The following FREM1 variants were observed in gnomAD, a reference collection of about 807,000 sequenced individuals.
FREM1 encodes FRAS1 related extracellular matrix 1.
FREM1 carries 220 observed loss-of-function variants against 210.1 expected under a neutral mutation model. The observed-to-expected ratio is 1.05, with a 90% CI of 0.94 to 1.17. The LOEUF is 1.17. Among genes scored for constraint, FREM1 ranks in the 50% most tolerant of loss-of-function variants. FREM1 has a pLI of 0.00. For synonymous variants in FREM1, 1,189 were observed against 980.2 expected, an observed-to-expected ratio of 1.21 and a Z score of -3.98; for missense variants, 3,454 against 2,675.5, an observed-to-expected ratio of 1.29 and a Z score of -6.42.
chr9:14,897,102 G>GA (rs1277742119), intron 1 of FREM1, among the ~76,000 whole-genome samples: 2 of 152,108 alleles, frequency 1.3e-5, no homozygotes, highest in Non-Finnish European at 1.5e-5. Context: ...TACAGTATAT[G>GA]AAAAATCATA....
intron 1 of FREM1, among the ~76,000 whole-genome samples, chr9:14,902,626 C>G (rs1455573300): frequency 6.6e-6 from 1 of 152,114 alleles, no homozygotes; most frequent in Non-Finnish European, 1.5e-5. Context: ...ACTGCCACCT[C>G]CTAGCTTGAA....
At chr9:14,874,460 G>C (rs1833313977) in intron 1 of FREM1, among the ~76,000 whole-genome samples, 2 of 150,088 alleles carry the variant, frequency 1.3e-5, no homozygotes, top group Admixed American at 6.7e-5. Context: ...TTGGTTTAAA[G>C]TCTGTTTTAT....
chr9:14,739,142 T>A (rs1349822604), intron 36 of FREM1, among the ~76,000 whole-genome samples: 1 of 151,874 alleles, frequency 6.6e-6, no homozygotes, highest in Non-Finnish European at 1.5e-5. Context: ...CTTGCTCTGT[T>A]GCCTAGGCTG....
chr9:14,788,982 A>G lies in FREM1; in HGVS notation c.4114T>C (p.Trp1372Arg), dbSNP rs772436406. 3 of 1,613,110 alleles carry G rather than the reference A, an allele frequency of 1.9e-6. No individual in the cohort carries two copies. Among genetic ancestry groups the G allele is most frequent in the East Asian group, 4.5e-5 (2 of 44,876 alleles). The part of the protein sequence containing the change: ...QNQDSFTFYL[W>R]DGNNRSPALD... ...GCAGGGGACCTGTTGTTGCCATCCC[A>G]AAGGTAGAAGGTGAAGCTATCTTGA... The change falls in exon 23 of 37, where the codon TGG (tryptophan) becomes CGG (arginine). Residue 1372 changes from tryptophan to arginine, a missense_variant. Coordinates refer to ENST00000380880, the MANE Select transcript of FREM1 (RefSeq NM_001379081.2).
chr9:14,848,784 A>C lies in FREM1; in HGVS notation c.1153-11T>G. The C allele has an allele frequency of 6.5e-7, 1 of 1,545,970 alleles. No homozygotes were observed. The highest frequency in any genetic ancestry group is 8.9e-7 in the Non-Finnish European group (1 of 1,118,386). On this transcript the variant is annotated splice_polypyrimidine_tract_variant and intron_variant, in intron 6 of 36. Coordinates refer to ENST00000380880, the MANE Select transcript of FREM1 (RefSeq NM_001379081.2). ...TACCTCCAATTCTACCTGTAAACAAACAGAGGCAAAGGAGCCACACACTGA... is the reference window on the plus strand; with the variant it reads ...TACCTCCAATTCTACCTGTAAACAACCAGAGGCAAAGGAGCCACACACTGA...
intron 27 of FREM1, among the ~76,000 whole-genome samples, chr9:14,766,619 A>G (rs924973174): frequency 9.9e-5 from 15 of 152,176 alleles, no homozygotes; most frequent in African/African-American, 3.6e-4. Context: ...GGAATCCTGC[A>G]ATAGCCAAAA....
At chr9:14,737,769 C>T (rs1429696368) in intron 36 of FREM1, among the ~76,000 whole-genome samples, 174 bp from the exon 37 acceptor site, 1 of 152,154 alleles carries the variant, frequency 6.6e-6, no homozygotes, top group Non-Finnish European at 1.5e-5. Flanking sequence ...AATCCCAGTC[C>T]AATTCTAGCT....
At chr9:14,837,157 C>T (rs1340714050) in intron 10 of FREM1, among the ~76,000 whole-genome samples, 1 of 152,136 alleles carries the variant, frequency 6.6e-6, no homozygotes, top group African/African-American at 2.4e-5. Flanking sequence ...TCAGGGTGCC[C>T]ACATTTGCAT....
chr9:14,835,425 T>C (rs1855137), intron 10 of FREM1, among the ~76,000 whole-genome samples: 102,336 of 152,098 alleles, frequency 0.67, 34,545 homozygotes, highest in East Asian at 0.74. Context: ...AACTGGTTAT[T>C]TTATCAAGGC....
At chr9:14,882,134 G>T (rs918378192) in intron 1 of FREM1, among the ~76,000 whole-genome samples, 3 of 151,192 alleles carry the variant, frequency 2.0e-5, no homozygotes, top group African/African-American at 7.3e-5. Flanking sequence ...TGTGACTCAT[G>T]ACTGAACTTA....
Position 14,836,298 on chromosome 9 carries a change from T to C in FREM1, c.1881+5149A>G, listed in dbSNP as rs1186537639. 2.0e-5 allele frequency among the ~76,000 whole-genome samples: 3 copies of C among 152,246 alleles called. No individual in the cohort carries two copies. Among genetic ancestry groups the C allele is most frequent in the Non-Finnish European group, 2.9e-5 (2 of 68,044 alleles). ...GAGAGTTTTCATTGCTGTAGTATTT[T>C]GCTTAATTATTATCCTTATAACTGG... On this transcript the variant is annotated intron_variant, in intron 10 of 36. Transcript: ENST00000380880. This position sits in a 1 kb window ranked among gnomAD's most constrained non-coding sequence, Gnocchi z 4.9.
intron 28 of FREM1, among the ~76,000 whole-genome samples, chr9:14,757,564 A>C (rs1220360599): frequency 6.6e-6 from 1 of 152,198 alleles, no homozygotes; most frequent in Non-Finnish European, 1.5e-5. Context: ...CAAAAAACAA[A>C]AAAAAAGTGT....
In FREM1 at chr9:14,770,778, C is replaced by T. The variant is rs746194247; in HGVS notation, c.4886G>A (p.Arg1629His). The change falls in exon 26 of 37, where the codon CGT becomes CAT. Residue 1629 changes from arginine to histidine, a missense_variant. Coordinates refer to ENST00000380880, the MANE Select transcript of FREM1 (RefSeq NM_001379081.2). ...AGAAGGGGAATGCAAGAGTGTGATACGAGGAGCTGTTTTGTCCAATTGGTC... is the reference window on the plus strand; with the variant it reads ...AGAAGGGGAATGCAAGAGTGTGATATGAGGAGCTGTTTTGTCCAATTGGTC... ...QVDQLDKTAP[R>H]ITLLHSPSQV... 15 of 1,612,854 alleles carry T rather than the reference C, an allele frequency of 9.3e-6. No individual in the cohort carries two copies. The highest frequency in any genetic ancestry group is 2.2e-5 in the South Asian group (2 of 90,934).
rs1334544622 is a variant in FREM1 at position 14,861,254 on chromosome 9, TATATACAC to T, written c.330-1778_330-1771del. On this transcript the variant is annotated intron_variant, in intron 3 of 36. Transcript: ENST00000380880. Reference sequence around the variant, plus strand: ...ACACATATATACACACATATATACATATATACACATATACACATATATACATATATACA... The same window carrying T: ...ACACATATATACACACATATATACATATATACACATATATACATATATACA... 2.6e-3 allele frequency among the ~76,000 whole-genome samples: 175 copies of T among 66,184 alleles called. 8 individuals are homozygous for T. The highest frequency in any genetic ancestry group is 0.016 in the African/African-American group (159 of 10,216). 43.4% of individuals were successfully genotyped at this position (66,184 alleles called of 152,430 possible).
At chr9:14,748,321 TTTCAGAATACTTATTAATATC>T in intron 31 of FREM1, 59 bp downstream of exon 31, 1 of 835,300 alleles carries the variant, frequency 1.2e-6, no homozygotes, top group Non-Finnish European at 1.9e-6. Context: ...TTCTTCAGTG[TTTCAGAATACTTATTAATATC>T]TTCTGATCCT....
At chr9:14,776,386 A>C (rs1848580100) in intron 24 of FREM1, 183 bp from the exon 25 acceptor site, 1 of 550,578 alleles carries the variant, frequency 1.8e-6, no homozygotes, top group South Asian at 5.3e-5. Context: ...GTAATGCATA[A>C]ATGGACCATT....
intron 1 of FREM1, among the ~76,000 whole-genome samples, chr9:14,870,171 A>G (rs930099700): frequency 6.6e-6 from 1 of 152,248 alleles, no homozygotes; most frequent in Admixed American, 6.5e-5. Flanking sequence ...TTCTGTGCAT[A>G]ACCAGTAGAT....
chr9:14,781,315 G>A (rs976604160), intron 24 of FREM1, among the ~76,000 whole-genome samples: 3 of 152,172 alleles, frequency 2.0e-5, no homozygotes, highest in African/African-American at 4.8e-5. Flanking sequence ...TTTCCTATGT[G>A]TAAATAAGGG....
intron 10 of FREM1, among the ~76,000 whole-genome samples, chr9:14,840,636 G>A (rs1263617847): frequency 6.6e-6 from 1 of 152,160 alleles, no homozygotes; most frequent in Non-Finnish European, 1.5e-5. Context: ...CCCATGACAC[G>A]TGGGAATTGT....
Sources: gnomAD v4.1 joint callset for allele counts (sites outside exome capture counted in the v4.1 genomes callset) on GRCh38, gnomAD v4.1.1 for gene constraint, Gnocchi (gnomAD v3.1) non-coding constraint, MANE v1.5 for transcripts, NCBI Gene and HGNC (gene_info 2026-07-23, HGNC 2026-07-21) for gene names.